The following SGMS2 variants were observed in gnomAD, a reference collection of about 807,000 sequenced individuals.
SGMS2 encodes the protein sphingomyelin synthase 2.
Under a neutral mutation model 43.8 loss-of-function variants are expected in SGMS2, and 21 were observed. That is an observed-to-expected ratio of 0.48 (90% confidence interval 0.34 to 0.69). The LOEUF is 0.69. Ranked by LOEUF, SGMS2 falls within the 30% of genes least tolerant of loss-of-function variation. The pLI is 0.01. For missense variants in SGMS2, 384 were observed against 443.2 expected (o/e 0.87, Z 1.20); for synonymous variants, 167 against 160.6 (o/e 1.04, Z -0.30).
chr4:107,882,200 T>A (rs1390959940), intron 2 of SGMS2, among the ~76,000 whole-genome samples: 2 of 152,232 alleles, frequency 1.3e-5, no homozygotes, highest in Admixed American at 6.5e-5. Context: ...TTCTCCATAG[T>A]GGCTTTACTA....
chr4:107,903,838 C>T (rs2126144582), intron 5 of SGMS2, among the ~76,000 whole-genome samples: 1 of 152,276 alleles, frequency 6.6e-6, no homozygotes, highest in East Asian at 1.9e-4. Flanking sequence ...ATGTGTTCCC[C>T]TTTTTAAAAC....
chr4:107,857,415 G>C (rs1727483750), intron 1 of SGMS2, among the ~76,000 whole-genome samples: 1 of 151,974 alleles, frequency 6.6e-6, no homozygotes, highest in African/African-American at 2.4e-5. Flanking sequence ...TCTTCCAAGA[G>C]TTGAGTATTT....
At chr4:107,850,813 C>T (rs1216001866) in intron 1 of SGMS2, among the ~76,000 whole-genome samples, 1 of 152,134 alleles carries the variant, frequency 6.6e-6, no homozygotes, top group Admixed American at 6.5e-5. Flanking sequence ...CTCTGATTTC[C>T]ACCTTGATAC....
intron 2 of SGMS2, among the ~76,000 whole-genome samples, chr4:107,870,384 G>A (rs933418751): frequency 2.0e-5 from 3 of 152,108 alleles, no homozygotes; most frequent in Non-Finnish European, 2.9e-5. Context: ...TATTTACTCC[G>A]AGTAGCTGAT....
At chr4:107,841,466 C>T (rs1372705178) in intron 1 of SGMS2, among the ~76,000 whole-genome samples, 1 of 151,636 alleles carries the variant, frequency 6.6e-6, no homozygotes, top group East Asian at 1.9e-4. Flanking sequence ...AATCTTTGCC[C>T]TTGTTGAGAA....
chr4:107,836,174 G>A (rs188752402), intron 1 of SGMS2, among the ~76,000 whole-genome samples: 9 of 152,114 alleles, frequency 5.9e-5, no homozygotes, highest in Middle Eastern at 3.4e-3. Context: ...AGTTCAGACC[G>A]GCCACACGTC....
At chr4:107,832,103 T>C (rs1474063700) in intron 1 of SGMS2, among the ~76,000 whole-genome samples, 2 of 152,198 alleles carry the variant, frequency 1.3e-5, no homozygotes, top group African/African-American at 2.4e-5. Flanking sequence ...TCTTCTGATA[T>C]TTGCATTTGT....
intron 2 of SGMS2, among the ~76,000 whole-genome samples, chr4:107,860,529 T>G (rs1560643514): frequency 1.3e-5 from 2 of 151,986 alleles, no homozygotes; most frequent in Non-Finnish European, 2.9e-5. Context: ...GAAGGTGTTT[T>G]TTTTTTTTTT....
intron 1 of SGMS2, among the ~76,000 whole-genome samples, chr4:107,832,870 A>C (rs966254319): frequency 2.0e-5 from 3 of 152,042 alleles, no homozygotes; most frequent in Non-Finnish European, 4.4e-5. Flanking sequence ...TCTACAAAAA[A>C]CACAAAAATT....
At chr4:107,887,896 A>G (rs960793349) in intron 2 of SGMS2, among the ~76,000 whole-genome samples, 11 of 152,212 alleles carry the variant, frequency 7.2e-5, no homozygotes, top group Non-Finnish European at 1.3e-4. Flanking sequence ...TAAAACTTCC[A>G]TAAGCCTTTT....
At chr4:107,884,944 G>A (rs1357607665) in intron 2 of SGMS2, among the ~76,000 whole-genome samples, 1 of 151,996 alleles carries the variant, frequency 6.6e-6, no homozygotes, top group Non-Finnish European at 1.5e-5. Context: ...AGGTTTTCAG[G>A]GTTCACACTA....
chr4:107,898,070 A>G (rs1044000816), intron 3 of SGMS2, among the ~76,000 whole-genome samples: 1 of 152,090 alleles, frequency 6.6e-6, no homozygotes, highest in African/African-American at 2.4e-5. Context: ...TCAAAACAGC[A>G]CTCTGTTGGA....
rs1252559569 is a variant in SGMS2 at position 107,896,023 on chromosome 4, T to C, written c.455+15T>C. The C allele has an allele frequency of 1.3e-6, 2 of 1,597,816 alleles. No individual in the cohort carries two copies. The highest frequency in any genetic ancestry group is 2.2e-5 in the East Asian group (1 of 44,574). On this transcript the variant is annotated intron_variant, in intron 3 of 6. Coordinates refer to ENST00000690982, the MANE Select transcript of SGMS2 (RefSeq NM_001375905.1). ...CTGAGATACAAGTAAGTAAATCTAA[T>C]GTTTTGAGGATTTGTCATGGGTTTG... is the stretch of plus-strand genomic sequence containing the variant.
chr4:107,893,106 T>G (rs988374179), intron 2 of SGMS2: 2 of 152,134 alleles, frequency 1.3e-5, no homozygotes, highest in African/African-American at 4.8e-5. Context: ...CTCTTCACAA[T>G]TAATTATTTC....
At chr4:107,864,117 A>G (rs1727943493) in intron 2 of SGMS2, 1 of 152,266 alleles carries the variant, frequency 6.6e-6, no homozygotes, top group Non-Finnish European at 1.5e-5. Context: ...GTGTAGGAGC[A>G]TAGGTATGGG....
intron 1 of SGMS2, among the ~76,000 whole-genome samples, chr4:107,842,682 A>AT (rs1726590056): frequency 6.6e-6 from 1 of 152,166 alleles, no homozygotes; most frequent in Non-Finnish European, 1.5e-5. Context: ...GCCTCAAAGA[A>AT]TTTTTGAGGC....
At chr4:107,824,679 G>A (rs1387473706), upstream of SGMS2, 3 of 152,238 alleles carry the variant, frequency 2.0e-5, no homozygotes, top group Non-Finnish European at 4.4e-5. Flanking sequence ...ACAGCCGCGA[G>A]GGGAGAGTCG....
At chr4:107,835,587 G>A (rs752361526) in intron 1 of SGMS2, among the ~76,000 whole-genome samples, 5 of 152,042 alleles carry the variant, frequency 3.3e-5, no homozygotes, top group Non-Finnish European at 5.9e-5. Context: ...GTGTCGCATC[G>A]GACTCTGACT....
intron 1 of SGMS2, among the ~76,000 whole-genome samples, chr4:107,828,666 A>G (rs186719236): frequency 4.5e-4 from 69 of 152,284 alleles, no homozygotes; most frequent in Non-Finnish European, 1.3e-4. Context: ...TGATTATTTC[A>G]GTTATTTTGC....
Sources: gnomAD v4.1 joint callset for allele counts (sites outside exome capture counted in the v4.1 genomes callset) on GRCh38, gnomAD v4.1.1 for gene constraint, MANE v1.5 for transcripts, NCBI Gene and HGNC (gene_info 2026-07-23, HGNC 2026-07-21) for gene names.